The following FRYL variants were observed in gnomAD, a reference collection of about 807,000 sequenced individuals.
FRYL encodes the protein FRY like transcription coactivator.
Under a neutral mutation model 351.2 loss-of-function variants are expected in FRYL, and 150 were observed. The observed-to-expected ratio is 0.43, with a 90% CI of 0.37 to 0.49. FRYL has a LOEUF of 0.49. Among genes scored for constraint, FRYL ranks in the 20% least tolerant of loss-of-function variants. FRYL has a pLI of 0.00. For missense variants in FRYL, 3,036 were observed against 3,619.3 expected, an observed-to-expected ratio of 0.84 and a Z score of 4.13; for synonymous variants, 1,153 against 1,257.1, an observed-to-expected ratio of 0.92 and a Z score of 1.75.
At chr4:48,752,119 T>C (rs1024869666) in intron 1 of FRYL, among the ~76,000 whole-genome samples, 2 of 152,202 alleles carry the variant, frequency 1.3e-5, no homozygotes, top group Non-Finnish European at 2.9e-5. Flanking sequence ...GACTATATAC[T>C]GGACAATAGT....
chr4:48,558,777 G>A (rs1734725397), intron 33 of FRYL, among the ~76,000 whole-genome samples: 1 of 152,158 alleles, frequency 6.6e-6, no homozygotes, highest in African/African-American at 2.4e-5. Context: ...TGTGAGGTGG[G>A]CGGAGTCAGA....
chr4:48,688,926 A>C (rs1392132315), intron 2 of FRYL, among the ~76,000 whole-genome samples: 1 of 152,130 alleles, frequency 6.6e-6, no homozygotes, highest in Non-Finnish European at 1.5e-5. Context: ...AGCCTCCCAA[A>C]GTGCTGGGAT....
At chr4:48,592,810 T>C (rs543309461) in intron 16 of FRYL, among the ~76,000 whole-genome samples, 4 of 152,266 alleles carry the variant, frequency 2.6e-5, no homozygotes, top group African/African-American at 9.6e-5. Context: ...TATTAAACTA[T>C]CTTAAAAATA....
In FRYL at chr4:48,745,437, G is replaced by A. The variant is rs375783295; in HGVS notation, c.-384+34641C>T. 1.8e-3 allele frequency among the ~76,000 whole-genome samples: 268 copies of A among 152,282 alleles called. 2 individuals carry two copies. The highest frequency in any genetic ancestry group is 5.8e-3 in the African/African-American group (242 of 41,550). On this transcript the variant is annotated intron_variant, in intron 1 of 63. Coordinates refer to ENST00000358350, the MANE Select transcript of FRYL (RefSeq NM_015030.2). Reference sequence around the variant, plus strand: ...ACTATGCAGCCATAAAAAAGGATGAGTTCATGTCCTTTGTAGGGACATGGA... The same window carrying A: ...ACTATGCAGCCATAAAAAAGGATGAATTCATGTCCTTTGTAGGGACATGGA...
intron 3 of FRYL, among the ~76,000 whole-genome samples, chr4:48,669,342 C>A (rs1762268133): frequency 6.6e-6 from 1 of 151,952 alleles, no homozygotes; most frequent in South Asian, 2.1e-4. Context: ...TGTGCCTCAC[C>A]CTTTAGTTTA....
intron 8 of FRYL, among the ~76,000 whole-genome samples, chr4:48,609,514 C>G (rs1451504967): frequency 6.6e-6 from 1 of 151,680 alleles, no homozygotes; most frequent in African/African-American, 2.4e-5. Context: ...CCTAGCTACT[C>G]AGGAGGCTGA....
In FRYL at chr4:48,609,794, T is replaced by G; in HGVS notation, c.441A>C (p.Leu147Phe). The change falls in exon 8 of 64, where the codon TTA becomes TTC. Residue 147 changes from leucine (L) to phenylalanine (F), a missense_variant. Leu to Phe is a conservative substitution (Grantham distance 22). Coordinates refer to ENST00000358350, the MANE Select transcript of FRYL (RefSeq NM_015030.2). ...QIPVHPVPDP[L>F]VHEVLNLAFK... ...AAGCTAAGTTTAGAACTTCATGAAC[T>G]AAGGGATCGGGTACAGGATGAACAG... The G allele has an allele frequency of 6.3e-7, 1 of 1,596,702 alleles. No individual in the cohort carries two copies. Among genetic ancestry groups the G allele is most frequent in the Non-Finnish European group, 8.6e-7 (1 of 1,168,730 alleles).
rs957587605 is a variant in FRYL at position 48,751,254 on chromosome 4, G to GA, written c.-384+28823dup. The stretch of plus-strand genomic sequence containing the variant: ...GGAAATGACCTCCCCTCTATTCTAT[G>GA]AAAAAAAAATCTAGACAATTTCTAT... On this transcript the variant is annotated intron_variant, in intron 1 of 63. Transcript: ENST00000358350. Among the ~76,000 whole-genome samples the GA allele has an allele frequency of 3.9e-4, 59 of 150,822 alleles. No individual in the cohort carries two copies. In the Middle Eastern group the frequency reaches 0.017, roughly 44 times the overall value.
chr4:48,590,965 G>A (rs546380643), intron 16 of FRYL, 135 bp from the exon 17 acceptor site: 3 of 630,326 alleles, frequency 4.8e-6, no homozygotes, highest in Non-Finnish European at 8.0e-6. Flanking sequence ...TAACCTTTCT[G>A]TCCAACATTT....
intron 2 of FRYL, among the ~76,000 whole-genome samples, chr4:48,694,799 T>C (rs552787374): frequency 6.6e-6 from 1 of 152,268 alleles, no homozygotes; most frequent in South Asian, 2.1e-4. Flanking sequence ...TGGCTGGACA[T>C]GATAGCTCAC....
intron 3 of FRYL, among the ~76,000 whole-genome samples, chr4:48,682,276 A>G (rs1260756373): frequency 1.3e-5 from 2 of 152,226 alleles, no homozygotes; most frequent in Non-Finnish European, 2.9e-5. Context: ...TTAACTCTAG[A>G]TGGATTAAAG....
At chr4:48,722,644 T>C (rs1477617844) in intron 1 of FRYL, among the ~76,000 whole-genome samples, 1 of 152,178 alleles carries the variant, frequency 6.6e-6, no homozygotes, top group Non-Finnish European at 1.5e-5. Context: ...ATAAAAGGAG[T>C]ACTGTGTTCA....
At chr4:48,578,552 C>G (rs914715708) in intron 23 of FRYL, among the ~76,000 whole-genome samples, 8 of 152,210 alleles carry the variant, frequency 5.3e-5, no homozygotes, top group Admixed American at 1.3e-4. Context: ...TATTACCACT[C>G]CCCACCAGAA....
intron 2 of FRYL, among the ~76,000 whole-genome samples, chr4:48,692,678 C>A (rs1444714134): frequency 1.3e-5 from 2 of 152,180 alleles, no homozygotes; most frequent in Non-Finnish European, 2.9e-5. Context: ...CACTACTGCA[C>A]CCGGCCTAAG....
intron 46 of FRYL, 137 bp downstream of exon 46, chr4:48,540,216 A>G: frequency 8.2e-7 from 1 of 1,221,768 alleles, no homozygotes; most frequent in Middle Eastern, 2.7e-4. Flanking sequence ...GGCTTTTACC[A>G]AATAATTTAA....
intron 53 of FRYL, 43 bp downstream of exon 53, chr4:48,527,434 C>T (rs1560540154): frequency 6.7e-7 from 1 of 1,501,000 alleles, no homozygotes; most frequent in African/African-American, 1.4e-5. Context: ...AATTCTCATA[C>T]AACTGTTCTA....
chr4:48,761,936 C>CCAAAGTATACAATAAAACAAAT (rs772870286), intron 1 of FRYL, among the ~76,000 whole-genome samples: 22 of 152,208 alleles, frequency 1.4e-4, no homozygotes, highest in Middle Eastern at 3.4e-3. Flanking sequence ...ACATCTCTAC[C>CCAAAGTATACAATAAAACAAAT]CAAAGTGATG....
intron 1 of FRYL, among the ~76,000 whole-genome samples, chr4:48,751,182 G>C (rs1020639616): frequency 5.9e-5 from 9 of 151,896 alleles, no homozygotes. Flanking sequence ...CAGTAATAAA[G>C]TACAGGTACA....
At position 48,606,586 on chromosome 4, in the gene FRYL, T is replaced by A. The variant is rs566594780; in HGVS notation, c.593A>T (p.Lys198Met). Residue 198 changes from lysine to methionine, a missense_variant, in exon 10 of 64, where the codon AAG becomes ATG. By Grantham distance (95) the Lys-to-Met change is moderately conservative. Transcript: ENST00000358350. The stretch of plus-strand genomic sequence containing the variant: ...CAGTTCTTTTAATTCTGTCACAAAC[T>A]TCTTCCTTACAGCCTGAAACCTTTA... ...AQSKFQAVRKKFVTELKELRQ... is the reference protein window; with the variant it reads ...AQSKFQAVRKMFVTELKELRQ... The A allele has an allele frequency of 5.3e-5, 86 of 1,610,460 alleles. 1 individual carries two copies. In the South Asian group the frequency reaches 8.7e-4, roughly 16 times the overall value.
Sources: gnomAD v4.1 joint callset for allele counts (sites outside exome capture counted in the v4.1 genomes callset) on GRCh38, gnomAD v4.1.1 for gene constraint, MANE v1.5 for transcripts, NCBI Gene and HGNC (gene_info 2026-07-23, HGNC 2026-07-21) for gene names.